Variants in RELN observed in about 807,000 individuals in gnomAD.
RELN encodes reelin.
RELN carries 108 observed loss-of-function variants against 427.6 expected under a neutral mutation model. The observed-to-expected ratio is 0.25, with a 90% CI of 0.22 to 0.30. The LOEUF (loss-of-function observed/expected upper bound fraction) is 0.30, where lower values mean the gene tolerates loss of function less well. Ranked by LOEUF, RELN falls within the 10% of genes least tolerant of loss-of-function variation. The pLI, the probability that RELN is intolerant of heterozygous loss-of-function variation, is 1.00. For missense variants in RELN, 3,715 were observed against 4,302.8 expected, an observed-to-expected ratio of 0.86 and a Z score of 3.82; for synonymous variants, 1,524 against 1,513.4, an observed-to-expected ratio of 1.01 and a Z score of -0.16.
At chr7:103,553,205 G>T in intron 40 of RELN, among the ~76,000 whole-genome samples, 1 of 152,092 alleles carries the variant, frequency 6.6e-6, no homozygotes, top group East Asian at 1.9e-4. Context: ...TTTTTATAAT[G>T]TTTAAAATAA....
At chr7:103,861,011 T>C (rs537241854) in intron 2 of RELN, among the ~76,000 whole-genome samples, 1 of 152,126 alleles carries the variant, frequency 6.6e-6, no homozygotes, top group Non-Finnish European at 1.5e-5. Context: ...GGACAAACAA[T>C]ATTAAAGCAC....
chr7:103,521,938 G>C lies in RELN; in HGVS notation c.7668+84C>G. On this transcript the variant is annotated intron_variant, in intron 48 of 64. Transcript: ENST00000428762. ...GGTAACTAACCCTGCATCTTGATTT[G>C]CCCATTAAACTTCAGAAGAGAGTCA... The C allele has an allele frequency of 2.2e-6, 3 of 1,365,978 alleles. No homozygotes were observed. In the Admixed American group the frequency reaches 5.0e-5, roughly 23 times the overall value. 84.6% of individuals were successfully genotyped at this position (1,365,978 alleles called of 1,614,324 possible).
intron 6 of RELN, among the ~76,000 whole-genome samples, chr7:103,737,305 G>C (rs1398215907): frequency 6.6e-6 from 1 of 152,156 alleles, no homozygotes; most frequent in East Asian, 1.9e-4. Flanking sequence ...GCCCATGGGC[G>C]TGTTGGACAC....
intron 1 of RELN, among the ~76,000 whole-genome samples, chr7:103,951,291 T>C (rs1205957726): frequency 6.6e-6 from 1 of 152,222 alleles, no homozygotes; most frequent in African/African-American, 2.4e-5. Flanking sequence ...TATATCAAGA[T>C]ACTGTCTTTG....
intron 16 of RELN, among the ~76,000 whole-genome samples, chr7:103,642,349 GTT>G (rs201250403): frequency 0.057 from 6,479 of 112,782 alleles, 148 homozygotes; most frequent in East Asian, 0.19. Context: ...ATTTCATAGT[GTT>G]TTTTTTTTTT....
chr7:103,689,729 T>A (rs1050700205), intron 10 of RELN, among the ~76,000 whole-genome samples: 1 of 152,154 alleles, frequency 6.6e-6, no homozygotes, highest in African/African-American at 2.4e-5. Flanking sequence ...TGCTCACAGC[T>A]CTTTCCAAAT....
intron 1 of RELN, among the ~76,000 whole-genome samples, chr7:103,943,832 A>T (rs996752547): frequency 2.4e-5 from 3 of 123,810 alleles, no homozygotes; most frequent in African/African-American, 9.5e-5. Context: ...TGGGGAATGG[A>T]GCAAGATTCT....
At chr7:103,797,424 T>C (rs1253101686) in intron 3 of RELN, among the ~76,000 whole-genome samples, 1 of 152,122 alleles carries the variant, frequency 6.6e-6, no homozygotes, top group African/African-American at 2.4e-5. Context: ...TTTAGACTGA[T>C]GGAAAAGTTG....
chr7:103,494,539 T>C (rs1828772407), intron 57 of RELN, among the ~76,000 whole-genome samples: 1 of 83,042 alleles, frequency 1.2e-5, no homozygotes, highest in South Asian at 5.6e-4. Context: ...CACGCCCAGC[T>C]AATTTTTTTT....
intron 8 of RELN, among the ~76,000 whole-genome samples, chr7:103,705,351 C>CA (rs1834177340): frequency 6.6e-6 from 1 of 151,924 alleles, no homozygotes; most frequent in Non-Finnish European, 1.5e-5. Context: ...TACAAACAAA[C>CA]AAACAAAAAA....
chr7:103,701,021 A>G lies in RELN; in HGVS notation c.806-15T>C. ...TGAACCTGACCCTGTAAATAGCAAT[A>G]ACAATAAATTTCAAGGTTAAAAAAT... is the stretch of plus-strand genomic sequence containing the variant. On this transcript the variant is annotated splice_polypyrimidine_tract_variant and intron_variant, in intron 8 of 64. Transcript: ENST00000428762. 1 of 1,481,668 alleles carries G rather than the reference A, an allele frequency of 6.7e-7. No individual in the cohort carries two copies. 91.8% of individuals were successfully genotyped at this position (1,481,668 alleles called of 1,614,324 possible). A position where few individuals can be genotyped will look rare whatever the true frequency, so the allele number is the denominator to read the frequency against.
At chr7:103,564,059 C>G (rs1428108245) in intron 34 of RELN, among the ~76,000 whole-genome samples, 8 of 152,192 alleles carry the variant, frequency 5.3e-5, no homozygotes, top group Admixed American at 5.2e-4. Flanking sequence ...ACATTTGGAT[C>G]CTGGCATCAG....
intron 17 of RELN, among the ~76,000 whole-genome samples, chr7:103,638,888 G>A (rs928162118): frequency 6.6e-6 from 1 of 152,216 alleles, no homozygotes; most frequent in Admixed American, 6.5e-5. Flanking sequence ...AGAGGAATAT[G>A]ATACACATAA....
intron 51 of RELN, among the ~76,000 whole-genome samples, chr7:103,504,943 G>C (rs1234265231): frequency 6.6e-6 from 1 of 152,180 alleles, no homozygotes; most frequent in Admixed American, 6.5e-5. Flanking sequence ...TCCCTTCACT[G>C]TGTAAACAGA....
chr7:103,863,661 A>G (rs769260027), intron 2 of RELN, among the ~76,000 whole-genome samples: 2 of 152,044 alleles, frequency 1.3e-5, no homozygotes, highest in African/African-American at 2.4e-5. Flanking sequence ...CATCCAAAGG[A>G]CCCCAGGTGC....
chr7:103,720,938 C>T (rs932039993), intron 8 of RELN, among the ~76,000 whole-genome samples: 4 of 152,172 alleles, frequency 2.6e-5, no homozygotes, highest in African/African-American at 9.7e-5. Flanking sequence ...ACACACCATA[C>T]AACAGATGGT....
rs1210513203 is a variant in RELN, at chr7:103,486,192, G to C, written c.9983+5C>G. The C allele has an allele frequency of 6.2e-7, 1 of 1,612,396 alleles. No individual in the cohort carries two copies. Among genetic ancestry groups the C allele is most frequent in the Non-Finnish European group, 8.5e-7 (1 of 1,179,686 alleles). On this transcript the variant is annotated splice_donor_5th_base_variant and intron_variant, in intron 61 of 64. Coordinates refer to ENST00000428762, the MANE Select transcript of RELN (RefSeq NM_005045.4). ...GTCTGGACTAAAATATGGAGGTTTGGGTACCTTGCTCGAGTGAGATCCAGA... is the reference window on the plus strand; with the variant it reads ...GTCTGGACTAAAATATGGAGGTTTGCGTACCTTGCTCGAGTGAGATCCAGA...
intron 45 of RELN, among the ~76,000 whole-genome samples, chr7:103,536,102 A>C (rs1194073319): frequency 6.6e-6 from 1 of 152,080 alleles, no homozygotes; most frequent in Non-Finnish European, 1.5e-5. Flanking sequence ...GTATGGGTGA[A>C]ACTTCTTAGA....
chr7:103,927,655 C>G (rs921413240), intron 1 of RELN, among the ~76,000 whole-genome samples: 2 of 152,084 alleles, frequency 1.3e-5, no homozygotes, highest in Admixed American at 1.3e-4. Flanking sequence ...ATGGAAAATG[C>G]TGTACTTTTT....
Sources: gnomAD v4.1 joint callset for allele counts (sites outside exome capture counted in the v4.1 genomes callset) on GRCh38, gnomAD v4.1.1 for gene constraint, MANE v1.5 for transcripts, NCBI Gene and HGNC (gene_info 2026-07-23, HGNC 2026-07-21) for gene names.